The following PITPNA variants were observed in gnomAD, a reference collection of about 807,000 sequenced individuals.
PITPNA encodes the protein phosphatidylinositol transfer protein alpha, also known as phosphatidylinositol transfer protein alpha isoform.
PITPNA carries 13 observed loss-of-function variants against 50.3 expected under a neutral mutation model. The ratio of observed to expected loss-of-function variants is 0.26; its 90% CI spans 0.17 to 0.41. The LOEUF (loss-of-function observed/expected upper bound fraction) is 0.41. Among genes scored for constraint, PITPNA ranks in the 10% least tolerant of loss-of-function variants. The pLI is 1.00. For synonymous variants in PITPNA, 120 were observed against 119.6 expected (o/e 1.00, Z -0.02); for missense variants, 207 against 333.4 (o/e 0.62, Z 2.95).
intron 4 of PITPNA, 125 bp downstream of exon 4, chr17:1,548,171 T>C (rs964057143): frequency 6.5e-5 from 40 of 613,966 alleles, no homozygotes; most frequent in Non-Finnish European, 1.0e-4. Context: ...ACAGCACTGA[T>C]ACCCACCATC....
intron 11 of PITPNA, 25 bp downstream of exon 11, chr17:1,521,554 G>T (rs776485997): frequency 3.3e-6 from 5 of 1,532,882 alleles, no homozygotes; most frequent in Admixed American, 3.3e-5. Flanking sequence ...TCTGTGACAC[G>T]CACAGTGAGA....
intron 9 of PITPNA, among the ~76,000 whole-genome samples, chr17:1,534,810 G>A (rs894386860): frequency 5.9e-5 from 9 of 152,180 alleles, no homozygotes; most frequent in African/African-American, 1.9e-4. Flanking sequence ...TTCCTTCCCT[G>A]TCACATGTGG....
chr17:1,537,762 T>C (rs2075626374), intron 7 of PITPNA, among the ~76,000 whole-genome samples: 1 of 152,056 alleles, frequency 6.6e-6, no homozygotes, highest in South Asian at 2.1e-4. Context: ...CACAAGATGG[T>C]TTTTATATCT....
rs1393475626 is a variant in PITPNA, at chr17:1,519,423, G to A, written c.*1138C>T. On this transcript the variant is annotated 3_prime_UTR_variant, in exon 12 of 12. Coordinates refer to ENST00000313486, the MANE Select transcript of PITPNA (RefSeq NM_006224.4). ...CACCAGCCTACTTTGGTCGGGTTCTGTACTATGATCACTACTTGCTTTGGG... is the reference window on the plus strand; with the variant it reads ...CACCAGCCTACTTTGGTCGGGTTCTATACTATGATCACTACTTGCTTTGGG... The A allele has an allele frequency of 6.6e-6, 1 of 152,534 alleles. No homozygotes were observed. The highest frequency in any genetic ancestry group is 2.4e-5 in the African/African-American group (1 of 41,448). 9.4% of individuals were successfully genotyped at this position (152,534 alleles called of 1,614,324 possible).
chr17:1,558,685 C>T, intron 1 of PITPNA, 126 bp from the exon 2 acceptor site: 1 of 707,272 alleles, frequency 1.4e-6, no homozygotes, highest in East Asian at 2.8e-5. Context: ...GTGACGAAAA[C>T]CCCACAGAGA....
rs190430330 is a variant in PITPNA at position 1,544,657 on chromosome 17, G to A, written c.290-1630C>T. Reference sequence around the variant, plus strand: ...TAAGGCATTTTAAATGCATGGCAGGGCCGGGCACGGTGGCTCCCGCCTGGA... The same window carrying A: ...TAAGGCATTTTAAATGCATGGCAGGACCGGGCACGGTGGCTCCCGCCTGGA... On this transcript the variant is annotated intron_variant, in intron 4 of 11. Transcript: ENST00000313486. Among the ~76,000 whole-genome samples, 7 of 152,372 alleles carry A rather than the reference G, an allele frequency of 4.6e-5. No homozygotes were observed. In the East Asian group the frequency reaches 1.3e-3, roughly 29 times the overall value.
intron 10 of PITPNA, among the ~76,000 whole-genome samples, chr17:1,531,862 A>G (rs1392585509): frequency 6.6e-6 from 1 of 152,154 alleles, no homozygotes; most frequent in East Asian, 1.9e-4. Context: ...AAAAAATAAA[A>G]AGGCAAGCCA....
At chr17:1,527,750 G>A (rs778039905) in intron 10 of PITPNA, among the ~76,000 whole-genome samples, 5 of 152,090 alleles carry the variant, frequency 3.3e-5, no homozygotes, top group Admixed American at 6.6e-5. Context: ...GTTAATATCC[G>A]AGTTATTACA....
intron 11 of PITPNA, 38 bp downstream of exon 11, chr17:1,521,541 G>C (rs2075512540): frequency 1.3e-5 from 19 of 1,434,920 alleles, no homozygotes; most frequent in Non-Finnish European, 1.9e-5. Context: ...ACTGATTTTA[G>C]CGTCTGTGAC....
chr17:1,545,719 T>A (rs1363697701), intron 4 of PITPNA, among the ~76,000 whole-genome samples: 1 of 152,138 alleles, frequency 6.6e-6, no homozygotes, highest in African/African-American at 2.4e-5. Context: ...AAAATGCCCA[T>A]GTCAGCCGCA....
intron 10 of PITPNA, among the ~76,000 whole-genome samples, chr17:1,529,785 T>A (rs1026633906): frequency 1.3e-5 from 2 of 150,708 alleles, no homozygotes; most frequent in African/African-American, 4.9e-5. Flanking sequence ...AATTGGGGAG[T>A]TGGAGGTTGC....
chr17:1,558,791 C>A (rs932953527), intron 1 of PITPNA, among the ~76,000 whole-genome samples: 1 of 118,810 alleles, frequency 8.4e-6, no homozygotes, highest in Non-Finnish European at 1.8e-5. Flanking sequence ...CCCCCCCCCC[C>A]AGAGAATGGC....
intron 2 of PITPNA, among the ~76,000 whole-genome samples, chr17:1,555,866 G>A (rs970695250): frequency 2.0e-5 from 3 of 152,148 alleles, no homozygotes; most frequent in East Asian, 3.9e-4. Context: ...GCTGCACAAC[G>A]CCCAGACACT....
chr17:1,527,989 C>G (rs568606528), intron 10 of PITPNA, among the ~76,000 whole-genome samples: 1 of 152,272 alleles, frequency 6.6e-6, no homozygotes, highest in South Asian at 2.1e-4. Flanking sequence ...TGAGACCAGC[C>G]TGGACAACAT....
chr17:1,525,515 T>C, intron 10 of PITPNA, among the ~76,000 whole-genome samples: 1 of 147,978 alleles, frequency 6.8e-6, no homozygotes, highest in Non-Finnish European at 1.5e-5. Context: ...TTTTTTTTTT[T>C]TTTTTTTTTT....
chr17:1,561,578 T>C (rs1451219866), intron 1 of PITPNA, among the ~76,000 whole-genome samples: 2 of 151,944 alleles, frequency 1.3e-5, no homozygotes, highest in Admixed American at 1.3e-4. Flanking sequence ...TTCCCGGCCT[T>C]CTCCACTTCG....
intron 10 of PITPNA, among the ~76,000 whole-genome samples, chr17:1,523,102 G>A (rs1482644841): frequency 6.6e-6 from 1 of 152,118 alleles, no homozygotes; most frequent in Non-Finnish European, 1.5e-5. Flanking sequence ...AAACAGGATG[G>A]GGGCTTCTGT....
intron 4 of PITPNA, among the ~76,000 whole-genome samples, chr17:1,547,853 G>A (rs1447573590): frequency 2.6e-5 from 4 of 151,860 alleles, no homozygotes; most frequent in Non-Finnish European, 5.9e-5. Flanking sequence ...AATTAGCCAG[G>A]CGTGGCGGTA....
intron 9 of PITPNA, 48 bp from the exon 10 acceptor site, chr17:1,534,269 T>C (rs775556237): frequency 1.9e-6 from 3 of 1,611,532 alleles, no homozygotes; most frequent in Middle Eastern, 3.3e-4. Context: ...CAAAGGCTGC[T>C]GCCACAGCCC....
Sources: allele counts gnomAD v4.1 joint callset (sites outside exome capture counted in the v4.1 genomes callset), GRCh38; gene constraint gnomAD v4.1.1; transcripts MANE v1.5; gene names NCBI Gene and HGNC (gene_info 2026-07-23, HGNC 2026-07-21).